Variants in HDAC9 observed in about 807,000 individuals in gnomAD.
HDAC9 encodes the protein MEF-2 interacting transcription repressor (MITR) protein.
A neutral mutation model predicts 139.4 loss-of-function variants in HDAC9; 41 were observed. The ratio of observed to expected loss-of-function variants is 0.29; its 90% CI spans 0.23 to 0.38. HDAC9 has a LOEUF of 0.38. Among genes scored for constraint, HDAC9 ranks in the 10% least tolerant of loss-of-function variants. The pLI is 1.00. For synonymous variants in HDAC9, 517 were observed against 476.2 expected (o/e 1.09, Z -1.12); for missense variants, 1,147 against 1,297.0 (o/e 0.88, Z 1.78).
intron 1 of HDAC9, among the ~76,000 whole-genome samples, chr7:18,135,172 G>C (rs1371069364): frequency 1.3e-5 from 2 of 151,252 alleles, no homozygotes; most frequent in Non-Finnish European, 2.9e-5. Context: ...AAAATGTAAT[G>C]AAGTAGGAAA....
At chr7:18,880,003 G>C (rs546588865) in intron 22 of HDAC9, among the ~76,000 whole-genome samples, 27 of 152,182 alleles carry the variant, frequency 1.8e-4, no homozygotes, top group African/African-American at 6.0e-4. Flanking sequence ...GAAAGGACAT[G>C]AACAGACATT....
intron 2 of HDAC9, among the ~76,000 whole-genome samples, chr7:18,566,995 G>A (rs1038779117): frequency 2.0e-5 from 3 of 152,114 alleles, no homozygotes; most frequent in Non-Finnish European, 4.4e-5. Context: ...CAAGTGTGTC[G>A]CAAGGCCTAG....
intron 25 of HDAC9, among the ~76,000 whole-genome samples, chr7:18,985,224 C>A (rs533468699): frequency 3.9e-5 from 6 of 152,010 alleles, no homozygotes; most frequent in East Asian, 1.9e-4. Flanking sequence ...CCCTACCCCC[C>A]CAACCCCACA....
chr7:18,224,512 G>A (rs149342242), intron 2 of HDAC9, among the ~76,000 whole-genome samples: 15 of 152,174 alleles, frequency 9.9e-5, no homozygotes, highest in East Asian at 9.7e-4. Flanking sequence ...ATTAACCTCC[G>A]CAAACAGGTT....
At chr7:18,523,634 G>A (rs765084715) in intron 2 of HDAC9, among the ~76,000 whole-genome samples, 5 of 152,216 alleles carry the variant, frequency 3.3e-5, no homozygotes, top group Non-Finnish European at 5.9e-5. Context: ...ATGTGTGTGT[G>A]TGTTGGGAGA....
At chr7:18,286,936 A>G (rs1797489835), upstream of HDAC9, among the ~76,000 whole-genome samples, 1 of 152,166 alleles carries the variant, frequency 6.6e-6, no homozygotes, top group Non-Finnish European at 1.5e-5. Flanking sequence ...GGCTCTGACT[A>G]TCTAATAAAA....
At position 18,732,896 on chromosome 7, in the gene HDAC9, CACACACGTGTGCGTATGTGTAT is replaced by C. The variant is rs1318479220; in HGVS notation, c.1909+5151_1909+5172del. On this transcript the variant is annotated intron_variant, in intron 13 of 25. Transcript: ENST00000686413. ...ACACACACGTGTGCGTATGTGTACACACACACGTGTGCGTATGTGTATACACACGTGTGTATGTATGTGTATA... is the reference window on the plus strand; with the variant it reads ...ACACACACGTGTGCGTATGTGTACACACACACGTGTGTATGTATGTGTATA... Among the ~76,000 whole-genome samples, 32 of 87,504 alleles carry C rather than the reference CACACACGTGTGCGTATGTGTAT, an allele frequency of 3.7e-4. 6 individuals are homozygous for C. The highest frequency in any genetic ancestry group is 1.1e-3 in the African/African-American group (22 of 20,534). The allele number at this position is 87,504 out of a possible 152,430, so 57.4% of individuals were successfully genotyped here. A position where few individuals can be genotyped will look rare whatever the true frequency, so the allele number is the denominator to read the frequency against.
At chr7:18,677,901 C>T (rs570089945) in intron 12 of HDAC9, among the ~76,000 whole-genome samples, 1 of 151,874 alleles carries the variant, frequency 6.6e-6, no homozygotes, top group Admixed American at 6.6e-5. Context: ...GCTTTAGTGT[C>T]CTTTCAAGAA....
chr7:18,573,618 G>A (rs1825017477), intron 2 of HDAC9, among the ~76,000 whole-genome samples: 1 of 152,210 alleles, frequency 6.6e-6, no homozygotes, highest in African/African-American at 2.4e-5. Flanking sequence ...GTGTGTGATT[G>A]AGTGCAGGGT....
intron 1 of HDAC9, among the ~76,000 whole-genome samples, chr7:18,134,672 G>C (rs879813808): frequency 2.0e-5 from 3 of 152,110 alleles, no homozygotes; most frequent in Admixed American, 6.6e-5. Context: ...TCTGTTTCTA[G>C]TTCTCACCCT....
chr7:18,224,733 G>A (rs551477165), intron 2 of HDAC9, among the ~76,000 whole-genome samples: 13 of 152,228 alleles, frequency 8.5e-5, no homozygotes, highest in East Asian at 7.7e-4. Context: ...TGTAGAATTC[G>A]AAGTTGAATG....
intron 2 of HDAC9, among the ~76,000 whole-genome samples, chr7:18,164,947 AC>A (rs1787902214): frequency 6.6e-6 from 1 of 152,254 alleles, no homozygotes; most frequent in South Asian, 2.1e-4. Flanking sequence ...CCAGTGTGTT[AC>A]CCAATAGGGA....
intron 17 of HDAC9, among the ~76,000 whole-genome samples, chr7:18,800,280 T>C (rs952855039): frequency 6.6e-6 from 1 of 152,186 alleles, no homozygotes; most frequent in South Asian, 2.1e-4. Context: ...TTATAAGAGG[T>C]CTTGACTATC....
At chr7:18,890,273 T>C in intron 22 of HDAC9, among the ~76,000 whole-genome samples, 1 of 152,228 alleles carries the variant, frequency 6.6e-6, no homozygotes, top group East Asian at 1.9e-4. Flanking sequence ...TGCATGACAG[T>C]TGAACAGTTC....
chr7:18,095,135 T>C (rs1782424853), intron 1 of HDAC9, among the ~76,000 whole-genome samples: 3 of 152,082 alleles, frequency 2.0e-5, no homozygotes. Context: ...TGGGGTTCTG[T>C]TGGGGGATTA....
chr7:18,403,525 G>T (rs1787736496), intron 1 of HDAC9, among the ~76,000 whole-genome samples: 1 of 152,168 alleles, frequency 6.6e-6, no homozygotes, highest in African/African-American at 2.4e-5. Context: ...TAGCATCAGA[G>T]TCTAGCACAG....
chr7:18,246,134 A>G (rs1794508769), intron 2 of HDAC9, among the ~76,000 whole-genome samples: 1 of 145,926 alleles, frequency 6.9e-6, no homozygotes, highest in Non-Finnish European at 1.5e-5. Context: ...TATGCTAGGA[A>G]ATAGATATTA....
chr7:18,601,994 G>A (rs1834085633), intron 6 of HDAC9, among the ~76,000 whole-genome samples: 1 of 152,098 alleles, frequency 6.6e-6, no homozygotes. Context: ...AAAGAGTTAG[G>A]AAGTAGTCCT....
chr7:18,279,471 C>A (rs895607980), intron 2 of HDAC9, among the ~76,000 whole-genome samples: 3 of 149,630 alleles, frequency 2.0e-5, no homozygotes, highest in African/African-American at 4.9e-5. Flanking sequence ...TTTGTATTTA[C>A]TTTTTTTTTG....
Sources: gnomAD v4.1 joint callset for allele counts (sites outside exome capture counted in the v4.1 genomes callset) on GRCh38, gnomAD v4.1.1 for gene constraint, MANE v1.5 for transcripts, NCBI Gene and HGNC (gene_info 2026-07-23, HGNC 2026-07-21) for gene names.